The following IMMP1L variants were observed in gnomAD, a reference collection of about 807,000 sequenced individuals.
IMMP1L encodes the protein inner mitochondrial membrane peptidase subunit 1, also known as mitochondrial inner membrane protease subunit 1.
Under a neutral mutation model 21.8 loss-of-function variants are expected in IMMP1L, and 24 were observed. The ratio of observed to expected loss-of-function variants is 1.10; its 90% CI spans 0.80 to 1.55. The LOEUF is 1.55. Ranked by LOEUF, IMMP1L falls within the 40% of genes most tolerant of loss-of-function variation. IMMP1L has a pLI of 0.00. For synonymous variants in IMMP1L, 46 were observed against 62.8 expected (o/e 0.73, Z 1.26); for missense variants, 195 against 200.7 (o/e 0.97, Z 0.17).
chr11:31,470,492 A>G (rs902068803), intron 1 of IMMP1L, among the ~76,000 whole-genome samples: 2 of 152,120 alleles, frequency 1.3e-5, no homozygotes, highest in Admixed American at 6.5e-5. Context: ...AAGAGTACAT[A>G]CATACATATT....
At chr11:31,447,625 C>T (rs954498346) in intron 4 of IMMP1L, among the ~76,000 whole-genome samples, 4 of 152,210 alleles carry the variant, frequency 2.6e-5, no homozygotes, top group Admixed American at 2.6e-4. Context: ...GATACAAGCA[C>T]TAGCTGTGCC....
chr11:31,479,076 C>A (rs1954809087), intron 1 of IMMP1L, among the ~76,000 whole-genome samples: 2 of 151,920 alleles, frequency 1.3e-5, no homozygotes, highest in African/African-American at 4.8e-5. Flanking sequence ...GATTCATATA[C>A]ATTTACACAA....
intron 3 of IMMP1L, among the ~76,000 whole-genome samples, chr11:31,459,493 T>C (rs1052969019): frequency 6.6e-6 from 1 of 152,216 alleles, no homozygotes; most frequent in South Asian, 2.1e-4. Context: ...TTAGAAAATA[T>C]ATTAAATTAT....
intron 1 of IMMP1L, among the ~76,000 whole-genome samples, chr11:31,483,532 C>T (rs1954970665): frequency 6.6e-6 from 1 of 151,950 alleles, no homozygotes; most frequent in Admixed American, 6.6e-5. Flanking sequence ...CTATTATCTT[C>T]CCTTGATCCC....
At chr11:31,462,523 CAGTTTGT>C (rs899010428) in intron 2 of IMMP1L, among the ~76,000 whole-genome samples, 1 of 151,920 alleles carries the variant, frequency 6.6e-6, no homozygotes, top group African/African-American at 2.4e-5. Flanking sequence ...TCAACAGCCA[CAGTTTGT>C]AGTTTCCCAA....
intron 1 of IMMP1L, among the ~76,000 whole-genome samples, chr11:31,465,622 G>T (rs2133682099): frequency 6.6e-6 from 1 of 152,140 alleles, no homozygotes; most frequent in East Asian, 1.9e-4. Context: ...ACACAATAGA[G>T]AACCCAGAAA....
intron 4 of IMMP1L, among the ~76,000 whole-genome samples, chr11:31,455,224 T>G (rs1953901508): frequency 6.6e-6 from 1 of 152,202 alleles, no homozygotes; most frequent in Non-Finnish European, 1.5e-5. Flanking sequence ...TACGATGACA[T>G]TGTAATTATT....
At chr11:31,466,700 T>C (rs1354216978) in intron 1 of IMMP1L, among the ~76,000 whole-genome samples, 7 of 151,804 alleles carry the variant, frequency 4.6e-5, no homozygotes, top group African/African-American at 1.7e-4. Flanking sequence ...TGTGGGAGCT[T>C]AAAAAAATAT....
intron 4 of IMMP1L, among the ~76,000 whole-genome samples, chr11:31,437,412 G>A (rs1953161802): frequency 6.6e-6 from 1 of 152,130 alleles, no homozygotes; most frequent in African/African-American, 2.4e-5. Context: ...GCATCACACA[G>A]GCACTCAAAA....
chr11:31,434,845 C>A (rs1953067436), intron 4 of IMMP1L, among the ~76,000 whole-genome samples: 1 of 152,104 alleles, frequency 6.6e-6, no homozygotes, highest in Non-Finnish European at 1.5e-5. Flanking sequence ...ATTACTGGAA[C>A]TAGTTTGTCC....
chr11:31,461,668 C>A (rs948279062), intron 2 of IMMP1L, among the ~76,000 whole-genome samples: 2 of 152,094 alleles, frequency 1.3e-5, no homozygotes, highest in African/African-American at 2.4e-5. Context: ...TACCTTCAGG[C>A]TATGCATATA....
rs548091856 is a variant in IMMP1L at position 31,506,226 on chromosome 11, CT to C, written c.-30+3292del. Among the ~76,000 whole-genome samples the C allele has an allele frequency of 7.9e-3, 1,037 of 131,162 alleles. 13 individuals are homozygous for C. The highest frequency in any genetic ancestry group is 0.054 in the Admixed American group (667 of 12,416). The allele number at this position is 131,162 out of a possible 152,430, so 86.0% of individuals were successfully genotyped here. A position where few individuals can be genotyped will look rare whatever the true frequency, so the allele number is the denominator to read the frequency against. ...ATTAAGAACGCACCTAAACATATAACTTTTTTTTTTTTTTTTTTTGAGACAC... is the reference window on the plus strand; with the variant it reads ...ATTAAGAACGCACCTAAACATATAACTTTTTTTTTTTTTTTTTTGAGACAC... On this transcript the variant is annotated intron_variant, in intron 1 of 5. Coordinates refer to ENST00000532287, the MANE Select transcript of IMMP1L (RefSeq NM_001304274.2).
chr11:31,475,646 T>A (rs1156780993), intron 1 of IMMP1L, among the ~76,000 whole-genome samples: 1 of 152,244 alleles, frequency 6.6e-6, no homozygotes, highest in East Asian at 1.9e-4. Context: ...TAAGTCTTAC[T>A]GACATCATGA....
At chr11:31,477,959 C>T (rs972296511) in intron 1 of IMMP1L, among the ~76,000 whole-genome samples, 1 of 152,280 alleles carries the variant, frequency 6.6e-6, no homozygotes, top group East Asian at 1.9e-4. Context: ...TCCAAAAAGG[C>T]AGCAGATTCT....
intron 1 of IMMP1L, among the ~76,000 whole-genome samples, chr11:31,506,591 C>T (rs1259070710): frequency 1.3e-5 from 2 of 150,270 alleles, no homozygotes; most frequent in Admixed American, 6.6e-5. Context: ...GTTTTATATT[C>T]AACTCTGCTA....
intron 4 of IMMP1L, among the ~76,000 whole-genome samples, chr11:31,438,429 A>T (rs1245908825): frequency 1.3e-5 from 2 of 152,130 alleles, no homozygotes; most frequent in Non-Finnish European, 2.9e-5. Flanking sequence ...CATGGATACA[A>T]GTCCTTTGAT....
chr11:31,472,080 C>G (rs911010380), intron 1 of IMMP1L, among the ~76,000 whole-genome samples: 2 of 152,112 alleles, frequency 1.3e-5, no homozygotes, highest in African/African-American at 4.8e-5. Context: ...CTCCTTTTTA[C>G]TCTTTTAAGG....
At chr11:31,499,610 C>T (rs555560778) in intron 1 of IMMP1L, among the ~76,000 whole-genome samples, 2 of 152,160 alleles carry the variant, frequency 1.3e-5, no homozygotes, top group African/African-American at 2.4e-5. Context: ...CATGCTTTTG[C>T]ATTTTTTAAA....
intron 1 of IMMP1L, among the ~76,000 whole-genome samples, chr11:31,500,775 G>C (rs1243411868): frequency 6.6e-6 from 1 of 152,022 alleles, no homozygotes; most frequent in Non-Finnish European, 1.5e-5. Flanking sequence ...CTCTGTTTTA[G>C]CCAATAAAGT....
Sources: allele counts gnomAD v4.1 joint callset (sites outside exome capture counted in the v4.1 genomes callset), GRCh38; gene constraint gnomAD v4.1.1; transcripts MANE v1.5; gene names NCBI Gene and HGNC (gene_info 2026-07-23, HGNC 2026-07-21).